PLCXD3: variants seen among roughly 807,000 people sequenced by gnomAD.
The protein encoded by PLCXD3 is PI-PLC X domain-containing protein 3.
PLCXD3 carries 19 observed loss-of-function variants against 25.5 expected under a neutral mutation model. The ratio of observed to expected loss-of-function variants is 0.75; its 90% CI spans 0.52 to 1.09. PLCXD3 has a LOEUF of 1.09. Ranked by LOEUF, PLCXD3 falls within the 50% of genes least tolerant of loss-of-function variation. The probability of loss-of-function intolerance (pLI) is 0.00; values close to 1 mark genes in which losing one functional copy is unlikely to be tolerated. For synonymous variants in PLCXD3, 174 were observed against 137.6 expected (o/e 1.26, Z -1.85); for missense variants, 411 against 388.1 (o/e 1.06, Z -0.50).
At chr5:41,384,735 C>T (rs1383862559) in intron 1 of PLCXD3, among the ~76,000 whole-genome samples, 1 of 151,940 alleles carries the variant, frequency 6.6e-6, no homozygotes, top group Non-Finnish European at 1.5e-5. Context: ...CTTTTGAAAA[C>T]ACTGTGAAAG....
At chr5:41,458,938 C>A (rs1200739505) in intron 1 of PLCXD3, among the ~76,000 whole-genome samples, 7 of 151,886 alleles carry the variant, frequency 4.6e-5, no homozygotes, top group Non-Finnish European at 1.0e-4. Flanking sequence ...TTAAGAGATA[C>A]ATTTATTTTT....
chr5:41,390,862 C>G (rs1003392434), intron 1 of PLCXD3, among the ~76,000 whole-genome samples: 2 of 152,196 alleles, frequency 1.3e-5, no homozygotes, highest in Non-Finnish European at 2.9e-5. Flanking sequence ...CTTCCCTACC[C>G]TGGCGGCAGT....
intron 2 of PLCXD3, among the ~76,000 whole-genome samples, chr5:41,316,520 C>A (rs1743298634): frequency 6.6e-6 from 1 of 152,194 alleles, no homozygotes; most frequent in African/African-American, 2.4e-5. Flanking sequence ...TTGGTACCAA[C>A]ACTGCCATGG....
intron 1 of PLCXD3, among the ~76,000 whole-genome samples, chr5:41,485,852 T>A (rs554770417): frequency 6.6e-6 from 1 of 152,358 alleles, no homozygotes; most frequent in South Asian, 2.1e-4. Context: ...AGGTTTCTAC[T>A]GACCTGCTCT....
chr5:41,396,679 A>G (rs961048870), intron 1 of PLCXD3, among the ~76,000 whole-genome samples: 1 of 152,198 alleles, frequency 6.6e-6, no homozygotes, highest in Admixed American at 6.5e-5. Context: ...CTTTCTAGAG[A>G]TGTGTTGAAT....
intron 2 of PLCXD3, among the ~76,000 whole-genome samples, chr5:41,359,304 T>C (rs1313239841): frequency 6.6e-6 from 1 of 152,232 alleles, no homozygotes; most frequent in Non-Finnish European, 1.5e-5. Context: ...CCAATTTTTC[T>C]TTGAATGTCT....
intron 1 of PLCXD3, among the ~76,000 whole-genome samples, chr5:41,491,226 T>C (rs1748661803): frequency 6.6e-6 from 1 of 152,254 alleles, no homozygotes; most frequent in South Asian, 2.1e-4. Context: ...TTGTTCAGTT[T>C]CCATGTAGTT....
chr5:41,474,825 T>C (rs1310014990), intron 1 of PLCXD3, among the ~76,000 whole-genome samples: 1 of 152,198 alleles, frequency 6.6e-6, no homozygotes, highest in Non-Finnish European at 1.5e-5. Context: ...ATTAATCCCA[T>C]GTATCCTGTT....
At position 41,313,415 on chromosome 5, in the gene PLCXD3, C is replaced by T; in HGVS notation, c.*202G>A. On this transcript the variant is annotated 3_prime_UTR_variant, in exon 3 of 3. Transcript: ENST00000377801. The stretch of plus-strand genomic sequence containing the variant: ...AACACTAGAAGTAGATTTTGCTCAT[C>T]AAATGGGAAATGAAATATTTATAGT... 3.9e-6 allele frequency: 2 copies of T among 507,586 alleles called. No homozygotes were observed. Among genetic ancestry groups the T allele is most frequent in the South Asian group, 3.3e-5 (1 of 30,222 alleles). The allele number at this position is 507,586 out of a possible 1,614,324, so 31.4% of individuals were successfully genotyped here.
chr5:41,416,263 G>T (rs773042417), intron 1 of PLCXD3, among the ~76,000 whole-genome samples: 10 of 152,204 alleles, frequency 6.6e-5, no homozygotes, highest in Non-Finnish European at 1.0e-4. Flanking sequence ...GAAGGAAAAA[G>T]CGACAGTATC....
chr5:41,414,037 T>C (rs1350299), intron 1 of PLCXD3, among the ~76,000 whole-genome samples: 78,019 of 151,608 alleles, frequency 0.51, 22,032 homozygotes, highest in South Asian at 0.71. Flanking sequence ...TTTTTTTAGA[T>C]ACACAGTAGA....
At chr5:41,379,117 A>G (rs1745379658) in intron 2 of PLCXD3, among the ~76,000 whole-genome samples, 1 of 152,138 alleles carries the variant, frequency 6.6e-6, no homozygotes. Flanking sequence ...TAAAAGTTAA[A>G]AATGAAGCTT....
chr5:41,333,293 C>T (rs1271195079), intron 2 of PLCXD3, among the ~76,000 whole-genome samples: 1 of 152,068 alleles, frequency 6.6e-6, no homozygotes, highest in Non-Finnish European at 1.5e-5. Flanking sequence ...TTAAAGTCAA[C>T]TGTGACAGAT....
chr5:41,341,381 T>A (rs1744144279), intron 2 of PLCXD3, among the ~76,000 whole-genome samples: 4 of 152,176 alleles, frequency 2.6e-5, no homozygotes, highest in Admixed American at 2.6e-4. Context: ...CTGTGCAACA[T>A]GCAGCATGAA....
intron 2 of PLCXD3, among the ~76,000 whole-genome samples, chr5:41,375,987 G>A (rs1447900377): frequency 6.6e-6 from 1 of 152,090 alleles, no homozygotes; most frequent in Non-Finnish European, 1.5e-5. Flanking sequence ...AAGGATGCAA[G>A]GCCTTAAATG....
At chr5:41,334,295 C>T (rs918949533) in intron 2 of PLCXD3, among the ~76,000 whole-genome samples, 1 of 152,134 alleles carries the variant, frequency 6.6e-6, no homozygotes, top group Non-Finnish European at 1.5e-5. Flanking sequence ...TGCCACACCA[C>T]CTCACTGCCA....
intron 2 of PLCXD3, among the ~76,000 whole-genome samples, chr5:41,364,096 G>T (rs1171923911): frequency 6.6e-6 from 1 of 152,096 alleles, no homozygotes; most frequent in African/African-American, 2.4e-5. Flanking sequence ...GGCATGGGGG[G>T]AGGGCATTTG....
chr5:41,457,336 G>A (rs1250543846), intron 1 of PLCXD3, among the ~76,000 whole-genome samples: 5 of 151,840 alleles, frequency 3.3e-5, no homozygotes, highest in Admixed American at 1.3e-4. Flanking sequence ...AATAATAAAG[G>A]GAGCTATTTA....
rs568134519 is a variant in PLCXD3, at chr5:41,398,927, G to GATGAT, written c.104-16398_104-16394dup. On this transcript the variant is annotated intron_variant, in intron 1 of 2. Coordinates refer to ENST00000377801, the MANE Select transcript of PLCXD3 (RefSeq NM_001005473.3). ...GGAAGCCAAATTATCCTTGTCCACAGATGATATAAACTAATATTTCAAAAA... is the reference window on the plus strand; with the variant it reads ...GGAAGCCAAATTATCCTTGTCCACAGATGATATGATATAAACTAATATTTCAAAAA... 3.3e-5 allele frequency among the ~76,000 whole-genome samples: 5 copies of GATGAT among 152,110 alleles called. No individual in the cohort carries two copies. The South Asian group carries it at 1.0e-3, about 31-fold the overall frequency.
Sources: gnomAD v4.1 joint callset for allele counts (sites outside exome capture counted in the v4.1 genomes callset) on GRCh38, gnomAD v4.1.1 for gene constraint, MANE v1.5 for transcripts, NCBI Gene and HGNC (gene_info 2026-07-23, HGNC 2026-07-21) for gene names.